The following ONECUT1 variants were observed in gnomAD, a reference collection of about 807,000 sequenced individuals.
ONECUT1 encodes hepatocyte nuclear factor 6.
ONECUT1 carries 12 observed loss-of-function variants against 25.6 expected under a neutral mutation model. The ratio of observed to expected loss-of-function variants is 0.47; its 90% CI spans 0.30 to 0.76. The LOEUF is 0.76. Among genes scored for constraint, ONECUT1 ranks in the 30% least tolerant of loss-of-function variants. The pLI is 0.07. For synonymous variants in ONECUT1, 285 were observed against 270.2 expected, an observed-to-expected ratio of 1.05 and a Z score of -0.54; for missense variants, 620 against 651.2, an observed-to-expected ratio of 0.95 and a Z score of 0.52.
At chr15:52,785,343 C>A (rs1358851745) in intron 1 of ONECUT1, among the ~76,000 whole-genome samples, 1 of 152,194 alleles carries the variant, frequency 6.6e-6, no homozygotes, top group Non-Finnish European at 1.5e-5. Flanking sequence ...GCCCCCCGAC[C>A]GAACCCCTCC....
At position 52,789,220 on chromosome 15, in the gene ONECUT1, T is replaced by C; in HGVS notation, c.665A>G (p.His222Arg). 6.4e-7 allele frequency: 1 copy of C among 1,558,210 alleles called. No individual in the cohort carries two copies. Among genetic ancestry groups the C allele is most frequent in the African/African-American group, 1.4e-5 (1 of 73,332 alleles). ...MLTPNGFEAHHPAMLGRHGEQ... is the reference protein window; with the variant it reads ...MLTPNGFEAHRPAMLGRHGEQ... ...CCCGTGGCGGCCGAGCATGGCCGGG[T>C]GGTGGGCTTCGAAGCCGTTGGGGGT... Residue 222 changes from histidine (H) to arginine (R), a missense_variant, in exon 1 of 2, where the codon CAC (histidine) becomes CGC (arginine). By Grantham distance (29) the His-to-Arg change is conservative. Transcript: ENST00000305901. This position sits in a 1 kb window ranked among gnomAD's most constrained non-coding sequence, Gnocchi z 4.1.
At position 52,756,173 on chromosome 15, in the gene ONECUT1, T is replaced by C. The variant is rs1335523694; in HGVS notation, c.*1382A>G. Among the ~76,000 whole-genome samples the C allele has an allele frequency of 6.6e-6, 1 of 152,184 alleles. No individual in the cohort carries two copies. The highest frequency in any genetic ancestry group is 1.5e-5 in the Non-Finnish European group (1 of 68,024). On this transcript the variant is annotated 3_prime_UTR_variant, in exon 2 of 2. Coordinates refer to ENST00000305901, the MANE Select transcript of ONECUT1 (RefSeq NM_004498.4). ...TTCCACCAATTCCACCATTTCTCAG[T>C]TGCACCTGCTGTTTTGTTGACGTCC...
chr15:52,780,155 C>T (rs547988358), intron 1 of ONECUT1, among the ~76,000 whole-genome samples: 2 of 152,316 alleles, frequency 1.3e-5, no homozygotes, highest in South Asian at 4.1e-4. Flanking sequence ...CAGGCAGATG[C>T]TAAAAGCTTT....
Position 52,788,724 on chromosome 15 carries a change from C to T in ONECUT1, c.1105+56G>A. ...TCTCTCCTACCCTTCCTCCTTTGGT[C>T]CCTTCGGCTTTCGTGTACCTTATCT... On this transcript the variant is annotated intron_variant, in intron 1 of 1. Coordinates refer to ENST00000305901, the MANE Select transcript of ONECUT1 (RefSeq NM_004498.4). This position sits in a 1 kb window ranked among gnomAD's most constrained non-coding sequence, Gnocchi z 4.3. 1 of 1,545,206 alleles carries T rather than the reference C, an allele frequency of 6.5e-7. No homozygotes were observed. Among genetic ancestry groups the T allele is most frequent in the Non-Finnish European group, 8.7e-7 (1 of 1,144,322 alleles).
Position 52,790,123 on chromosome 15 carries a change from G to C in ONECUT1, c.-239C>G. The C allele has an allele frequency of 2.0e-6, 1 of 495,296 alleles. No homozygotes were observed. Among genetic ancestry groups the C allele is most frequent in the Non-Finnish European group, 3.1e-6 (1 of 318,552 alleles). 30.7% of individuals were successfully genotyped at this position (495,296 alleles called of 1,614,324 possible). A position where few individuals can be genotyped will look rare whatever the true frequency, so the allele number is the denominator to read the frequency against. On this transcript the variant is annotated 5_prime_UTR_variant, in exon 1 of 2. Transcript: ENST00000305901. Reference sequence around the variant, plus strand: ...TCTTACCCCCCACCTTCCCCTCTGCGTCCTCGGCTTTTTTTTTTTTAATAT... The same window carrying C: ...TCTTACCCCCCACCTTCCCCTCTGCCTCCTCGGCTTTTTTTTTTTTAATAT...
In ONECUT1 at chr15:52,789,742, G is replaced by C. The variant is rs937644991; in HGVS notation, c.143C>G (p.Ala48Gly). ...CGCCATGCCCATGGAGCGCGGGTGC[G>C]CGGGGGGCAGGTGGCTGCCGCGGTG... ...VAHRGSHLPP[A>G]HPRSMGMASL... Residue 48 changes from alanine (A) to glycine (G), a missense_variant, in exon 1 of 2, where the codon GCG becomes GGG. Ala to Gly is a moderately conservative substitution (Grantham distance 60). Coordinates refer to ENST00000305901, the MANE Select transcript of ONECUT1 (RefSeq NM_004498.4). This position sits in a 1 kb window ranked among gnomAD's most constrained non-coding sequence, Gnocchi z 4.1. 2 of 1,411,802 alleles carry C rather than the reference G, an allele frequency of 1.4e-6. No individual in the cohort carries two copies. Among genetic ancestry groups the C allele is most frequent in the East Asian group, 5.7e-5 (2 of 35,340 alleles). The allele number at this position is 1,411,802 out of a possible 1,614,324, so 87.5% of individuals were successfully genotyped here. A position where few individuals can be genotyped will look rare whatever the true frequency, so the allele number is the denominator to read the frequency against.
chr15:52,785,947 G>T (rs2083872031), intron 1 of ONECUT1: 2 of 152,236 alleles, frequency 1.3e-5, no homozygotes, highest in Non-Finnish European at 2.9e-5. Context: ...ACAGAGGGGC[G>T]TGGAGAAGCC....
intron 1 of ONECUT1, among the ~76,000 whole-genome samples, chr15:52,779,401 A>T (rs558349872): frequency 8.0e-5 from 12 of 150,110 alleles, no homozygotes; most frequent in African/African-American, 2.2e-4. Flanking sequence ...CAGTTTATTT[A>T]AAAAAAAAAC....
chr15:52,764,036 T>TAGGATCAG (rs1169886362), intron 1 of ONECUT1, among the ~76,000 whole-genome samples: 1 of 152,224 alleles, frequency 6.6e-6, no homozygotes, highest in Non-Finnish European at 1.5e-5. Context: ...AGTAACATCT[T>TAGGATCAG]AGGATCAGTT....
chr15:52,782,052 T>A (rs1349246925), intron 1 of ONECUT1, among the ~76,000 whole-genome samples: 2 of 152,204 alleles, frequency 1.3e-5, no homozygotes, highest in Non-Finnish European at 2.9e-5. Context: ...TCTTCAACTT[T>A]TATTTTGAGT....
At chr15:52,777,325 CG>C (rs1279015660) in intron 1 of ONECUT1, among the ~76,000 whole-genome samples, 2 of 151,976 alleles carry the variant, frequency 1.3e-5, no homozygotes, top group Non-Finnish European at 2.9e-5. Flanking sequence ...TTAGAATCAC[CG>C]GGGAAACTTT....
At chr15:52,779,773 G>A (rs1308079692) in intron 1 of ONECUT1, among the ~76,000 whole-genome samples, 3 of 152,212 alleles carry the variant, frequency 2.0e-5, no homozygotes, top group Non-Finnish European at 2.9e-5. Context: ...ACTAGCCTCC[G>A]TGACTTGACG....
intron 1 of ONECUT1, 105 bp from the exon 2 acceptor site, chr15:52,757,952 T>G (rs2083684066): frequency 8.0e-6 from 10 of 1,251,420 alleles, no homozygotes; most frequent in Non-Finnish European, 1.1e-5. Flanking sequence ...TGGCCTGCTT[T>G]CTGTTTGCTG....
intron 1 of ONECUT1, chr15:52,780,771 C>A: frequency 6.3e-6 from 9 of 1,421,612 alleles, no homozygotes; most frequent in Admixed American, 5.9e-5. Flanking sequence ...GGAAAGAAAG[C>A]AAAAAGCACA....
rs990463338 is a variant in ONECUT1 at position 52,788,468 on chromosome 15, C to T, written c.1105+312G>A. 9 of 358,050 alleles carry T rather than the reference C, an allele frequency of 2.5e-5. No homozygotes were observed. The highest frequency in any genetic ancestry group is 4.1e-5 in the Admixed American group (1 of 24,246). 22.2% of individuals were successfully genotyped at this position (358,050 alleles called of 1,614,324 possible). A position where few individuals can be genotyped will look rare whatever the true frequency, so the allele number is the denominator to read the frequency against. On this transcript the variant is annotated intron_variant, in intron 1 of 1. Coordinates refer to ENST00000305901, the MANE Select transcript of ONECUT1 (RefSeq NM_004498.4). The surrounding 1 kb of genome is among the most constrained non-coding windows in gnomAD (Gnocchi z 4.3). ...GTGGCGCAGAGTGTCTCACCAGGTG[C>T]GGGGATTTCTCTCCGCCTCAGGCCG...
intron 1 of ONECUT1, among the ~76,000 whole-genome samples, chr15:52,776,883 G>A (rs1249184852): frequency 1.3e-5 from 2 of 152,216 alleles, no homozygotes; most frequent in African/African-American, 4.8e-5. Context: ...CATCAGTGGT[G>A]CTTCTCAGAC....
intron 1 of ONECUT1, among the ~76,000 whole-genome samples, chr15:52,760,925 T>G (rs912921498): frequency 3.3e-5 from 5 of 151,958 alleles, no homozygotes; most frequent in African/African-American, 1.2e-4. Context: ...AGATCCCCCT[T>G]CAGGACTGTG....
At position 52,788,678 on chromosome 15, in the gene ONECUT1, G is replaced by C; in HGVS notation, c.1105+102C>G. 1 of 1,279,516 alleles carries C rather than the reference G, an allele frequency of 7.8e-7. No homozygotes were observed. Among genetic ancestry groups the C allele is most frequent in the Non-Finnish European group, 1.1e-6 (1 of 929,468 alleles). The allele number at this position is 1,279,516 out of a possible 1,614,324, so 79.3% of individuals were successfully genotyped here. ...CCCCCTTCTAGGGGTAGGGGCGGGCGGGATGAAGCGCACCCAGCCCTCTCT... is the reference window on the plus strand; with the variant it reads ...CCCCCTTCTAGGGGTAGGGGCGGGCCGGATGAAGCGCACCCAGCCCTCTCT... On this transcript the variant is annotated intron_variant, in intron 1 of 1. Transcript: ENST00000305901. This position sits in a 1 kb window ranked among gnomAD's most constrained non-coding sequence, Gnocchi z 4.3.
At chr15:52,779,653 T>G (rs1414685224) in intron 1 of ONECUT1, among the ~76,000 whole-genome samples, 1 of 152,114 alleles carries the variant, frequency 6.6e-6, no homozygotes, top group African/African-American at 2.4e-5. Flanking sequence ...AAAAAGCCAT[T>G]TTTGTAAGGA....
Sources: gnomAD v4.1 joint callset for allele counts (sites outside exome capture counted in the v4.1 genomes callset) on GRCh38, gnomAD v4.1.1 for gene constraint, Gnocchi (gnomAD v3.1) non-coding constraint, MANE v1.5 for transcripts, NCBI Gene and HGNC (gene_info 2026-07-23, HGNC 2026-07-21) for gene names.